NLGN1: variants seen among roughly 807,000 people sequenced by gnomAD.
NLGN1 encodes the protein neuroligin 1.
NLGN1 carries 12 observed loss-of-function variants against 65.5 expected under a neutral mutation model. That is an observed-to-expected ratio of 0.18 (90% CI 0.12 to 0.30). The LOEUF is 0.30. NLGN1 is among the 10% of genes least tolerant of loss of function. The probability of loss-of-function intolerance (pLI) is 1.00; values close to 1 mark genes in which losing one functional copy is unlikely to be tolerated. For synonymous variants in NLGN1, 350 were observed against 359.5 expected (o/e 0.97, Z 0.30); for missense variants, 750 against 1,007.1 (o/e 0.74, Z 3.46).
chr3:174,102,511 A>G (rs1326088771), intron 4 of NLGN1, among the ~76,000 whole-genome samples: 1 of 152,142 alleles, frequency 6.6e-6, no homozygotes, highest in African/African-American at 2.4e-5. Flanking sequence ...TCAAACGCAA[A>G]CACCTCTTTC....
intron 4 of NLGN1, among the ~76,000 whole-genome samples, chr3:173,994,804 A>G (rs1023350572): frequency 6.6e-6 from 1 of 152,182 alleles, no homozygotes; most frequent in Non-Finnish European, 1.5e-5. Flanking sequence ...GCATTTTACA[A>G]ATGTCAGATA....
At chr3:173,982,772 T>A (rs1464518690) in intron 4 of NLGN1, among the ~76,000 whole-genome samples, 1 of 152,148 alleles carries the variant, frequency 6.6e-6, no homozygotes, top group African/African-American at 2.4e-5. Flanking sequence ...ACCAGAAACA[T>A]TTAAGTGCCT....
chr3:173,712,925 G>T (rs1006478153), intron 3 of NLGN1, among the ~76,000 whole-genome samples: 2 of 151,994 alleles, frequency 1.3e-5, no homozygotes, highest in African/African-American at 2.4e-5. Flanking sequence ...AAGGAGAAAG[G>T]TAGGCATGGA....
intron 2 of NLGN1, among the ~76,000 whole-genome samples, chr3:173,536,399 T>C (rs1462595310): frequency 6.6e-6 from 1 of 152,226 alleles, no homozygotes; most frequent in African/African-American, 2.4e-5. Flanking sequence ...TGAGAGTTAA[T>C]TGCTCATCAA....
chr3:173,922,611 A>G (rs780318599), intron 4 of NLGN1, among the ~76,000 whole-genome samples: 1 of 152,118 alleles, frequency 6.6e-6, no homozygotes. Context: ...TTAATTTTAC[A>G]CACTTCAAGA....
intron 4 of NLGN1, among the ~76,000 whole-genome samples, chr3:173,968,171 T>A (rs1028084217): frequency 2.0e-5 from 3 of 152,204 alleles, no homozygotes; most frequent in Admixed American, 6.5e-5. Context: ...GTTTTTCAAT[T>A]GTAGAGATTT....
At chr3:173,513,256 G>A (rs912506657) in intron 2 of NLGN1, among the ~76,000 whole-genome samples, 2 of 152,056 alleles carry the variant, frequency 1.3e-5, no homozygotes, top group African/African-American at 2.4e-5. Flanking sequence ...GCTGTGAGGA[G>A]GTGGTAGAGC....
intron 4 of NLGN1, among the ~76,000 whole-genome samples, chr3:174,088,639 G>C (rs540964664): frequency 1.1e-4 from 16 of 151,738 alleles, no homozygotes; most frequent in Non-Finnish European, 2.4e-4. Context: ...TGTAGTCCCA[G>C]CTACTCGGGA....
intron 3 of NLGN1, among the ~76,000 whole-genome samples, chr3:173,791,038 T>C (rs1214754946): frequency 1.3e-5 from 2 of 152,214 alleles, no homozygotes; most frequent in Admixed American, 1.3e-4. Flanking sequence ...GGAAATATCT[T>C]TGAGAATAAT....
chr3:174,037,015 G>A (rs1731289120), intron 4 of NLGN1, among the ~76,000 whole-genome samples: 1 of 152,102 alleles, frequency 6.6e-6, no homozygotes, highest in Non-Finnish European at 1.5e-5. Flanking sequence ...ATGGACATTA[G>A]GTTAATTCCA....
chr3:173,432,843 C>G (rs532982683), intron 1 of NLGN1, among the ~76,000 whole-genome samples: 1 of 152,038 alleles, frequency 6.6e-6, no homozygotes, highest in Admixed American at 6.6e-5. Flanking sequence ...AGTCTCATTT[C>G]CTTTTAGAGG....
At chr3:173,415,038 C>G (rs111602441) in intron 1 of NLGN1, among the ~76,000 whole-genome samples, 7 of 152,192 alleles carry the variant, frequency 4.6e-5, no homozygotes, top group Non-Finnish European at 8.8e-5. Flanking sequence ...GCCAAGTGAG[C>G]CAAACTTCTC....
At chr3:173,718,519 G>T (rs1253366165) in intron 3 of NLGN1, among the ~76,000 whole-genome samples, 1 of 152,150 alleles carries the variant, frequency 6.6e-6, no homozygotes, top group Non-Finnish European at 1.5e-5. Context: ...ATGAGTTTCA[G>T]TTTGTAAAAC....
chr3:174,234,403 G>A (rs1198734225), intron 4 of NLGN1, among the ~76,000 whole-genome samples: 1 of 152,100 alleles, frequency 6.6e-6, no homozygotes, highest in Non-Finnish European at 1.5e-5. Flanking sequence ...CAATTGGGAG[G>A]GAAGCATGTG....
At chr3:173,497,101 A>G (rs970002555) in intron 2 of NLGN1, among the ~76,000 whole-genome samples, 3 of 151,896 alleles carry the variant, frequency 2.0e-5, no homozygotes, top group Non-Finnish European at 4.4e-5. Flanking sequence ...ATCCTTATTT[A>G]GGCCAGGTGC....
chr3:173,469,255 C>T (rs1724914471), intron 2 of NLGN1, among the ~76,000 whole-genome samples: 2 of 151,644 alleles, frequency 1.3e-5, no homozygotes, highest in African/African-American at 4.8e-5. Context: ...GATAATGTAC[C>T]TTTAAAATGG....
intron 2 of NLGN1, among the ~76,000 whole-genome samples, chr3:173,540,360 C>G (rs1323062130): frequency 6.6e-6 from 1 of 152,170 alleles, no homozygotes; most frequent in East Asian, 1.9e-4. Context: ...AGCAGCTTTT[C>G]ACATCACTCA....
At chr3:174,240,904 A>G (rs1050903151) in intron 4 of NLGN1, among the ~76,000 whole-genome samples, 1 of 152,104 alleles carries the variant, frequency 6.6e-6, no homozygotes, top group African/African-American at 2.4e-5. Flanking sequence ...TGGCTCTACC[A>G]TATTCCTCTG....
At chr3:173,494,801 A>T (rs1477466980) in intron 2 of NLGN1, among the ~76,000 whole-genome samples, 1 of 151,544 alleles carries the variant, frequency 6.6e-6, no homozygotes, top group East Asian at 1.9e-4. Context: ...TTATTTGATC[A>T]TTTTTTTATA....
Sources: gnomAD v4.1 joint callset for allele counts (sites outside exome capture counted in the v4.1 genomes callset) on GRCh38, gnomAD v4.1.1 for gene constraint, MANE v1.5 for transcripts, NCBI Gene and HGNC (gene_info 2026-07-23, HGNC 2026-07-21) for gene names.